The following ELP4 variants were observed in gnomAD, a reference collection of about 807,000 sequenced individuals.
The protein encoded by ELP4 is elongator complex protein 4.
Under a neutral mutation model 48.9 loss-of-function variants are expected in ELP4, and 51 were observed. That is an observed-to-expected ratio of 1.04 (90% CI 0.83 to 1.32). ELP4 has a LOEUF of 1.32. ELP4 is among the 40% of genes most tolerant of loss of function. The pLI, the probability that ELP4 is intolerant of heterozygous loss-of-function variation, is 0.00. For synonymous variants in ELP4, 210 were observed against 189.2 expected (o/e 1.11, Z -0.90); for missense variants, 519 against 514.6 (o/e 1.01, Z -0.08).
At chr11:31,544,028 G>A (rs149544795) in intron 3 of ELP4, among the ~76,000 whole-genome samples, 10 of 152,320 alleles carry the variant, frequency 6.6e-5, no homozygotes, top group African/African-American at 2.4e-4. Context: ...AGCCAAGATG[G>A]CCGAATAGGA....
chr11:31,628,455 A>ACACG (rs1265997310), intron 6 of ELP4: 1 of 152,008 alleles, frequency 6.6e-6, no homozygotes, highest in Non-Finnish European at 1.5e-5. Context: ...ACACACACAC[A>ACACG]CACACACACA....
chr11:31,714,035 T>G (rs1946793409), intron 9 of ELP4, among the ~76,000 whole-genome samples: 1 of 152,072 alleles, frequency 6.6e-6, no homozygotes, highest in Non-Finnish European at 1.5e-5. Context: ...AGTAGAAATA[T>G]TATAAGAGAT....
chr11:31,764,840 A>G (rs912761229), intron 9 of ELP4, among the ~76,000 whole-genome samples: 1 of 152,226 alleles, frequency 6.6e-6, no homozygotes, highest in Admixed American at 6.5e-5. Context: ...TATTTTTTCA[A>G]CAAACACTTC....
chr11:31,722,025 C>T (rs1443696636), intron 9 of ELP4, among the ~76,000 whole-genome samples: 1 of 152,124 alleles, frequency 6.6e-6, no homozygotes, highest in Non-Finnish European at 1.5e-5. Context: ...GCAGCTTCCA[C>T]AATATTTGTT....
intron 3 of ELP4, among the ~76,000 whole-genome samples, chr11:31,542,852 A>G (rs1956615215): frequency 6.6e-6 from 1 of 152,248 alleles, no homozygotes; most frequent in Admixed American, 6.5e-5. Context: ...AAATGACATG[A>G]TAGAATTAGA....
At chr11:31,538,370 A>G (rs1276298797) in intron 2 of ELP4, among the ~76,000 whole-genome samples, 1 of 148,318 alleles carries the variant, frequency 6.7e-6, no homozygotes, top group African/African-American at 2.4e-5. Context: ...ATAGTTATAT[A>G]ACTACAATAT....
intron 9 of ELP4, chr11:31,707,374 C>T (rs946756422): frequency 1.7e-5 from 3 of 181,590 alleles, no homozygotes; most frequent in Middle Eastern, 2.2e-3. Flanking sequence ...ACTTTTATAA[C>T]GTATACAAAA....
chr11:31,665,721 C>T (rs1945659071), intron 9 of ELP4, among the ~76,000 whole-genome samples: 2 of 127,484 alleles, frequency 1.6e-5, no homozygotes, highest in Non-Finnish European at 1.6e-5. Context: ...GTGGTGCAAT[C>T]ATGGCTCACT....
At chr11:31,577,602 A>G (rs1341323350) in intron 3 of ELP4, among the ~76,000 whole-genome samples, 4 of 152,102 alleles carry the variant, frequency 2.6e-5, no homozygotes, top group African/African-American at 9.7e-5. Flanking sequence ...CACCACGATC[A>G]AGTTGTCTTC....
At chr11:31,723,138 G>C (rs1947003395) in intron 9 of ELP4, among the ~76,000 whole-genome samples, 1 of 152,120 alleles carries the variant, frequency 6.6e-6, no homozygotes, top group Non-Finnish European at 1.5e-5. Context: ...AGATGCCATG[G>C]GTCAACCCTA....
intron 3 of ELP4, among the ~76,000 whole-genome samples, chr11:31,550,989 G>C (rs963655295): frequency 2.0e-5 from 3 of 152,120 alleles, no homozygotes; most frequent in Non-Finnish European, 2.9e-5. Flanking sequence ...TGGTAAAACC[G>C]TGTTTCATTG....
At chr11:31,724,305 A>G (rs1046934233) in intron 9 of ELP4, among the ~76,000 whole-genome samples, 2 of 152,208 alleles carry the variant, frequency 1.3e-5, no homozygotes, top group Non-Finnish European at 2.9e-5. Context: ...TGTCTCCCTG[A>G]TCAAAGATGA....
intron 9 of ELP4, among the ~76,000 whole-genome samples, chr11:31,672,729 TG>T (rs1174809813): frequency 6.6e-6 from 1 of 152,092 alleles, no homozygotes; most frequent in Non-Finnish European, 1.5e-5. Context: ...GTCAAGGCTA[TG>T]GTGAGCCATG....
At chr11:31,543,377 T>G (rs181740554) in intron 3 of ELP4, among the ~76,000 whole-genome samples, 1 of 152,236 alleles carries the variant, frequency 6.6e-6, no homozygotes, top group East Asian at 1.9e-4. Context: ...TGGAGTGTAG[T>G]GGTGTGATCT....
At chr11:31,695,246 T>G (rs1040907687) in intron 9 of ELP4, among the ~76,000 whole-genome samples, 19 of 152,048 alleles carry the variant, frequency 1.2e-4, no homozygotes, top group East Asian at 5.8e-4. Flanking sequence ...GTTTTCAAAG[T>G]GAATGCTTCC....
chr11:31,540,201 CA>C (rs2133907157), intron 3 of ELP4, among the ~76,000 whole-genome samples: 1 of 152,222 alleles, frequency 6.6e-6, no homozygotes, highest in East Asian at 1.9e-4. Flanking sequence ...GCAAATTTTC[CA>C]AAGTCTAAGC....
At chr11:31,632,460 T>C in intron 7 of ELP4, 55 bp downstream of exon 7, 1 of 1,419,730 alleles carries the variant, frequency 7.0e-7, no homozygotes, top group Non-Finnish European at 9.5e-7. Context: ...AGTATGACAT[T>C]GTGGTTTTAG....
intron 6 of ELP4, among the ~76,000 whole-genome samples, chr11:31,631,368 T>C (rs1944857478): frequency 6.6e-6 from 1 of 152,148 alleles, no homozygotes; most frequent in African/African-American, 2.4e-5. Context: ...TCCCATCAAT[T>C]CTAATAATGA....
At chr11:31,733,476 CAAA>C (rs59733716) in intron 9 of ELP4, among the ~76,000 whole-genome samples, 7 of 70,038 alleles carry the variant, frequency 1.0e-4, no homozygotes, top group Non-Finnish European at 1.9e-4. Flanking sequence ...GACTCCATCT[CAAA>C]AAAAAAAAAA....
Sources: allele counts gnomAD v4.1 joint callset (sites outside exome capture counted in the v4.1 genomes callset), GRCh38; gene constraint gnomAD v4.1.1; transcripts MANE v1.5; gene names NCBI Gene and HGNC (gene_info 2026-07-23, HGNC 2026-07-21).